Variants in SLC7A1 observed in about 807,000 individuals in gnomAD.
The protein encoded by SLC7A1 is high affinity cationic amino acid transporter 1.
A neutral mutation model predicts 53.9 loss-of-function variants in SLC7A1; 10 were observed. That is an observed-to-expected ratio of 0.19 (90% CI 0.11 to 0.31). The LOEUF (loss-of-function observed/expected upper bound fraction) is 0.31, where lower values mean the gene tolerates loss of function less well. Ranked by LOEUF, SLC7A1 falls within the 10% of genes least tolerant of loss-of-function variation. The pLI, the probability that SLC7A1 is intolerant of heterozygous loss-of-function variation, is 1.00. For synonymous variants in SLC7A1, 342 were observed against 338.7 expected (o/e 1.01, Z -0.11); for missense variants, 525 against 827.2 (o/e 0.63, Z 4.48).
chr13:29,545,057 G>C (rs538313322), intron 2 of SLC7A1, among the ~76,000 whole-genome samples: 9 of 152,116 alleles, frequency 5.9e-5, no homozygotes, highest in African/African-American at 2.2e-4. Flanking sequence ...GAAGCTAATA[G>C]GGCACCCACT....
chr13:29,583,192 C>G lies in SLC7A1; in HGVS notation c.-115+12224G>C, dbSNP rs577804024. Among the ~76,000 whole-genome samples the G allele has an allele frequency of 3.3e-5, 5 of 152,328 alleles. No homozygotes were observed. In the East Asian group the frequency reaches 7.7e-4, roughly 23 times the overall value. On this transcript the variant is annotated intron_variant, in intron 1 of 12. Coordinates refer to ENST00000380752, the MANE Select transcript of SLC7A1 (RefSeq NM_003045.5). ...CTGTAAAGGAGCCCACACCCGTGCC[C>G]GCATGCACAGTAAAAGTGTGCCCCC... is the stretch of plus-strand genomic sequence containing the variant.
Position 29,514,585 on chromosome 13 carries a change from T to C in SLC7A1, c.1787-2A>G. On this transcript the variant is annotated splice_acceptor_variant, in intron 12 of 12. Coordinates refer to ENST00000380752, the MANE Select transcript of SLC7A1 (RefSeq NM_003045.5). LOFTEE classifies it high-confidence loss of function. ...CATAGCCAAAGTAGATGATGAAGCCTGCGGGCCGACAGCAGAGACGGGCGT... is the reference window on the plus strand; with the variant it reads ...CATAGCCAAAGTAGATGATGAAGCCCGCGGGCCGACAGCAGAGACGGGCGT... The C allele has an allele frequency of 6.2e-7, 1 of 1,604,390 alleles. No individual in the cohort carries two copies. The highest frequency in any genetic ancestry group is 8.5e-7 in the Non-Finnish European group (1 of 1,177,432).
At chr13:29,514,779 G>C (rs1011900070) in intron 12 of SLC7A1, among the ~76,000 whole-genome samples, 196 bp from the exon 13 acceptor site, 1 of 152,202 alleles carries the variant, frequency 6.6e-6, no homozygotes, top group African/African-American at 2.4e-5. Context: ...TGTCTGCTTC[G>C]ACATCTGGCA....
At chr13:29,535,245 C>T (rs1356283203) in intron 3 of SLC7A1, among the ~76,000 whole-genome samples, 16 of 152,114 alleles carry the variant, frequency 1.1e-4, no homozygotes, top group South Asian at 4.1e-4. Context: ...CAATACATTA[C>T]GCTGTGTATA....
At chr13:29,545,218 T>A (rs1177131540) in intron 2 of SLC7A1, among the ~76,000 whole-genome samples, 1 of 152,172 alleles carries the variant, frequency 6.6e-6, no homozygotes, top group Non-Finnish European at 1.5e-5. Context: ...AGATGCTAGT[T>A]ACAGATTAAA....
At chr13:29,590,196 G>A (rs1872050700) in intron 1 of SLC7A1, among the ~76,000 whole-genome samples, 1 of 152,178 alleles carries the variant, frequency 6.6e-6, no homozygotes, top group African/African-American at 2.4e-5. Context: ...GCTGTATGGA[G>A]ACATCCTATC....
Position 29,523,378 on chromosome 13 carries a change from G to T in SLC7A1, c.937C>A (p.Pro313Thr). Residue 313 changes from proline (P) to threonine (T), a missense_variant, in exon 7 of 13, where the codon CCC (proline) becomes ACC (threonine). Pro to Thr is a conservative substitution (Grantham distance 38). This residue lies in a region of SLC7A1 where 354 missense variants were observed against 587.5 expected (regional missense o/e 0.60). Coordinates refer to ENST00000380752, the MANE Select transcript of SLC7A1 (RefSeq NM_003045.5). Reference protein sequence around the residue: ...GVSAALTLMMPYFCLDNNSPL... With the variant: ...GVSAALTLMMTYFCLDNNSPL... ...CTGTTATTGTCCAGGCAGAAGTAGGGCATCATGAGCGTGAGGGCAGCCGAC... is the reference window on the plus strand; with the variant it reads ...CTGTTATTGTCCAGGCAGAAGTAGGTCATCATGAGCGTGAGGGCAGCCGAC... The T allele has an allele frequency of 1.2e-6, 2 of 1,613,762 alleles. No individual in the cohort carries two copies. The highest frequency in any genetic ancestry group is 4.5e-5 in the East Asian group (2 of 44,842).
At position 29,574,807 on chromosome 13, in the gene SLC7A1, G is replaced by T. The variant is rs142794432; in HGVS notation, c.-115+20609C>A. Among the ~76,000 whole-genome samples the T allele has an allele frequency of 5.3e-5, 8 of 152,096 alleles. No individual in the cohort carries two copies. The East Asian group carries it at 1.5e-3, about 29-fold the overall frequency. ...CTACAGGTGCGCGCCACCATGACTG[G>T]CTAATTTTTTTGTATTTCAGTATAG... On this transcript the variant is annotated intron_variant, in intron 1 of 12. Coordinates refer to ENST00000380752, the MANE Select transcript of SLC7A1 (RefSeq NM_003045.5).
chr13:29,558,705 C>G (rs1302813233), intron 1 of SLC7A1, among the ~76,000 whole-genome samples: 3 of 5,118 alleles, frequency 5.9e-4, no homozygotes, highest in Non-Finnish European at 3.3e-4. Flanking sequence ...GGGAGTGAAT[C>G]TGAATGAGGG....
At chr13:29,580,409 G>C (rs280933) in intron 1 of SLC7A1, among the ~76,000 whole-genome samples, 131,606 of 152,114 alleles carry the variant, frequency 0.87, 57,937 homozygotes, top group Middle Eastern at 0.96. Context: ...TTTCTCAGTG[G>C]CTTCATAACT....
At chr13:29,588,357 G>A (rs888755267) in intron 1 of SLC7A1, among the ~76,000 whole-genome samples, 1 of 152,086 alleles carries the variant, frequency 6.6e-6, no homozygotes, top group African/African-American at 2.4e-5. Flanking sequence ...ACTCTCAAAT[G>A]GTTCAGAAAA....
At chr13:29,548,052 A>G (rs928193868) in intron 2 of SLC7A1, among the ~76,000 whole-genome samples, 5 of 152,236 alleles carry the variant, frequency 3.3e-5, no homozygotes, top group African/African-American at 9.6e-5. Flanking sequence ...TGATAATGAC[A>G]TAGAAAAACA....
At chr13:29,581,640 G>A (rs372070062) in intron 1 of SLC7A1, among the ~76,000 whole-genome samples, 3 of 152,164 alleles carry the variant, frequency 2.0e-5, no homozygotes, top group South Asian at 2.1e-4. Context: ...AAGGTCTTAC[G>A]GGCAAGGGTC....
At position 29,517,171 on chromosome 13, in the gene SLC7A1, G is replaced by C. The variant is rs150624249; in HGVS notation, c.1650C>G (p.Pro550=). The C allele has an allele frequency of 6.2e-7, 1 of 1,611,422 alleles. No individual in the cohort carries two copies. The highest frequency in any genetic ancestry group is 8.5e-7 in the Non-Finnish European group (1 of 1,178,912). The change falls in exon 11 of 13, where the codon CCC becomes CCG. Residue 550 remains proline (P), a synonymous_variant. Coordinates refer to ENST00000380752, the MANE Select transcript of SLC7A1 (RefSeq NM_003045.5). ...TAAATGAGAGCTTGGTCTTGCTCTC[G>C]GGCTGCCTCCAGATGACGCCCGTGA... ...AVVTGVIWRQ[P]ESKTKLSFKV... is the part of the protein sequence containing the mutation.
chr13:29,516,347 AC>A, intron 11 of SLC7A1, 101 bp from the exon 12 acceptor site: 1 of 751,656 alleles, frequency 1.3e-6, no homozygotes. Context: ...AGTGACAGGG[AC>A]CGTCGGGCGA....
At chr13:29,565,904 G>A (rs116251019) in intron 1 of SLC7A1, among the ~76,000 whole-genome samples, 66 of 152,266 alleles carry the variant, frequency 4.3e-4, no homozygotes, top group African/African-American at 1.5e-3. Flanking sequence ...GGGATCCTGC[G>A]GTTCTGGGCC....
intron 1 of SLC7A1, among the ~76,000 whole-genome samples, chr13:29,577,312 G>A (rs1593580406): frequency 6.6e-6 from 1 of 152,176 alleles, no homozygotes; most frequent in Admixed American, 6.5e-5. Flanking sequence ...ACCCAACTAG[G>A]TCAGGGTTAG....
chr13:29,576,153 G>C (rs1027991755), intron 1 of SLC7A1, among the ~76,000 whole-genome samples: 1 of 151,974 alleles, frequency 6.6e-6, no homozygotes, highest in Non-Finnish European at 1.5e-5. Flanking sequence ...TTAACCAGGT[G>C]TGGTGGAGTG....
intron 1 of SLC7A1, among the ~76,000 whole-genome samples, chr13:29,562,757 G>A (rs1487983981): frequency 6.6e-6 from 1 of 152,144 alleles, no homozygotes; most frequent in African/African-American, 2.4e-5. Context: ...AAATGTAAAC[G>A]CAAAAGCTGT....
Sources: allele counts gnomAD v4.1 joint callset (sites outside exome capture counted in the v4.1 genomes callset), GRCh38; gene constraint gnomAD v4.1.1; regional missense constraint gnomAD v4.1.1; transcripts MANE v1.5; gene names NCBI Gene and HGNC (gene_info 2026-07-23, HGNC 2026-07-21).